Variants in MAST4 observed in about 807,000 individuals in gnomAD.
The protein encoded by MAST4 is microtubule associated serine/threonine kinase family member 4, also known as microtubule-associated serine/threonine-protein kinase 4.
MAST4 carries 89 observed loss-of-function variants against 162.7 expected under a neutral mutation model. That is an observed-to-expected ratio of 0.55 (90% CI 0.46 to 0.65). The LOEUF is 0.65. Among genes scored for constraint, MAST4 ranks in the 30% least tolerant of loss-of-function variants. MAST4 has a pLI of 0.00. For synonymous variants in MAST4, 1,479 were observed against 1,361.1 expected, an observed-to-expected ratio of 1.09 and a Z score of -1.91; for missense variants, 3,153 against 3,374.0, an observed-to-expected ratio of 0.93 and a Z score of 1.62.
chr5:66,900,663 T>C (rs1762952352), intron 4 of MAST4, among the ~76,000 whole-genome samples: 1 of 152,126 alleles, frequency 6.6e-6, no homozygotes, highest in Non-Finnish European at 1.5e-5. Context: ...TCTGGAAACA[T>C]TTACATTTGA....
chr5:66,607,980 G>T (rs1743001015), intron 1 of MAST4, among the ~76,000 whole-genome samples: 1 of 151,668 alleles, frequency 6.6e-6, no homozygotes, highest in Non-Finnish European at 1.5e-5. Context: ...TGTACAACAC[G>T]ATGTTCTGAT....
chr5:66,888,864 T>C (rs1214537471), intron 3 of MAST4, among the ~76,000 whole-genome samples: 1 of 152,242 alleles, frequency 6.6e-6, no homozygotes, highest in Non-Finnish European at 1.5e-5. Flanking sequence ...TTGCTGAGTT[T>C]TTATTCCACA....
At chr5:66,957,650 TAACA>T in intron 4 of MAST4, among the ~76,000 whole-genome samples, 1 of 152,304 alleles carries the variant, frequency 6.6e-6, no homozygotes, top group Admixed American at 6.5e-5. Context: ...CAATGGGCAT[TAACA>T]AATGCCCCAG....
intron 1 of MAST4, among the ~76,000 whole-genome samples, chr5:66,668,415 G>C (rs1490087256): frequency 1.3e-5 from 2 of 152,166 alleles, no homozygotes. Flanking sequence ...TGACTTTATA[G>C]AAAGGATTTG....
chr5:66,858,217 C>G (rs908482156), intron 3 of MAST4, among the ~76,000 whole-genome samples: 2 of 152,124 alleles, frequency 1.3e-5, no homozygotes, highest in African/African-American at 2.4e-5. Flanking sequence ...GTTGGCCAGG[C>G]TGGTCTCAAA....
chr5:66,644,104 C>T (rs1745665114), intron 1 of MAST4, among the ~76,000 whole-genome samples: 1 of 151,298 alleles, frequency 6.6e-6, no homozygotes, highest in African/African-American at 2.4e-5. Context: ...AGTCAGTAAA[C>T]TGTTGGAGAA....
intron 4 of MAST4, among the ~76,000 whole-genome samples, chr5:67,046,621 G>T (rs1052719080): frequency 5.3e-5 from 8 of 152,232 alleles, no homozygotes; most frequent in African/African-American, 1.9e-4. Flanking sequence ...TACATGTTCA[G>T]CTGTTTTTCT....
At chr5:67,032,911 AAACT>A (rs1195716613) in intron 4 of MAST4, among the ~76,000 whole-genome samples, 2 of 152,280 alleles carry the variant, frequency 1.3e-5, no homozygotes, top group African/African-American at 4.8e-5. Context: ...TACAGACAAC[AAACT>A]ATGAAAAGTG....
chr5:66,966,272 T>C (rs919865020), intron 4 of MAST4, among the ~76,000 whole-genome samples: 1 of 152,250 alleles, frequency 6.6e-6, no homozygotes, highest in Admixed American at 6.5e-5. Context: ...CCTTGTGACC[T>C]TCTTTAGTCA....
At chr5:66,810,157 G>A (rs1254294460) in intron 3 of MAST4, among the ~76,000 whole-genome samples, 1 of 152,196 alleles carries the variant, frequency 6.6e-6, no homozygotes, top group Non-Finnish European at 1.5e-5. Flanking sequence ...ACTTTTAGGT[G>A]TAAGGGGATT....
intron 2 of MAST4, among the ~76,000 whole-genome samples, chr5:66,760,236 C>T (rs1209593203): frequency 6.7e-6 from 1 of 149,284 alleles, no homozygotes; most frequent in Non-Finnish European, 1.5e-5. Context: ...CTGCCTCAGC[C>T]TCCTGAGTAG....
chr5:66,628,582 T>C (rs989142415), intron 1 of MAST4, among the ~76,000 whole-genome samples: 1 of 151,926 alleles, frequency 6.6e-6, no homozygotes, highest in Non-Finnish European at 1.5e-5. Context: ...AAAATTATTA[T>C]TATTTTTTTT....
rs111360429 is a variant in MAST4 at position 66,880,292 on chromosome 5, A to T, written c.643-19659A>T. 8.4e-3 allele frequency among the ~76,000 whole-genome samples: 1,281 copies of T among 152,330 alleles called. 22 individuals carry two copies. Among genetic ancestry groups the T allele is most frequent in the African/African-American group, 0.028 (1,173 of 41,564 alleles). On this transcript the variant is annotated intron_variant, in intron 3 of 28. Coordinates refer to ENST00000403625, the MANE Select transcript of MAST4 (RefSeq NM_001164664.2). ...CATATTTTGCTCATAAATTCTGGACAAGTTCATTCAAAACTTAGAACAGTG... is the reference window on the plus strand; with the variant it reads ...CATATTTTGCTCATAAATTCTGGACTAGTTCATTCAAAACTTAGAACAGTG...
chr5:66,896,702 G>A (rs1207333377), intron 3 of MAST4, among the ~76,000 whole-genome samples: 3 of 152,224 alleles, frequency 2.0e-5, no homozygotes, highest in Non-Finnish European at 4.4e-5. Context: ...CACTGTGGCA[G>A]TTGCTTGTAC....
At chr5:66,697,585 A>G (rs903352197) in intron 1 of MAST4, among the ~76,000 whole-genome samples, 1 of 152,226 alleles carries the variant, frequency 6.6e-6, no homozygotes, top group Admixed American at 6.5e-5. Flanking sequence ...AACCAAAATA[A>G]GATACCACAA....
At position 67,094,870 on chromosome 5, in the gene MAST4, T is replaced by C. The variant is rs576996436; in HGVS notation, c.834-727T>C. Reference sequence around the variant, plus strand: ...GCCTCTAAGGCTGAGGCAAACAACTTTACTCTTTGCATTAAGTTCTATCAC... The same window carrying C: ...GCCTCTAAGGCTGAGGCAAACAACTCTACTCTTTGCATTAAGTTCTATCAC... On this transcript the variant is annotated intron_variant, in intron 6 of 28. Coordinates refer to ENST00000403625, the MANE Select transcript of MAST4 (RefSeq NM_001164664.2). Among the ~76,000 whole-genome samples, 30 of 152,256 alleles carry C rather than the reference T, an allele frequency of 2.0e-4. 1 individual carries two copies. In the East Asian group the frequency reaches 5.8e-3, roughly 29 times the overall value.
At chr5:66,626,300 A>T (rs1744424022) in intron 1 of MAST4, among the ~76,000 whole-genome samples, 1 of 152,162 alleles carries the variant, frequency 6.6e-6, no homozygotes, top group Admixed American at 6.6e-5. Flanking sequence ...GGTAATAGAG[A>T]TGCATTTCAC....
rs543948323 is a variant in MAST4 at position 66,906,271 on chromosome 5, T to C, written c.674+6289T>C. Among the ~76,000 whole-genome samples, 4 of 152,310 alleles carry C rather than the reference T, an allele frequency of 2.6e-5. No individual in the cohort carries two copies. In the East Asian group the frequency reaches 7.7e-4, roughly 29 times the overall value. On this transcript the variant is annotated intron_variant, in intron 4 of 28. Transcript: ENST00000403625. ...CATGTCTGACCCTCTCTTCTTATCA[T>C]GGCCTGAACTAGTTTTTCAGGTTTA...
At chr5:66,632,413 G>C (rs1281712688) in intron 1 of MAST4, among the ~76,000 whole-genome samples, 2 of 152,088 alleles carry the variant, frequency 1.3e-5, no homozygotes, top group Non-Finnish European at 2.9e-5. Flanking sequence ...AATAGAAATT[G>C]AGTAGGGGCT....
Sources: gnomAD v4.1 joint callset for allele counts (sites outside exome capture counted in the v4.1 genomes callset) on GRCh38, gnomAD v4.1.1 for gene constraint, MANE v1.5 for transcripts, NCBI Gene and HGNC (gene_info 2026-07-23, HGNC 2026-07-21) for gene names.